ITGB6: variants seen among roughly 807,000 people sequenced by gnomAD.
ITGB6 encodes integrin beta-6.
Under a neutral mutation model 84.5 loss-of-function variants are expected in ITGB6, and 80 were observed. That is an observed-to-expected ratio of 0.95 (90% CI 0.79 to 1.14). The LOEUF is 1.14. Ranked by LOEUF, ITGB6 falls within the 50% of genes most tolerant of loss-of-function variation. The pLI, the probability that ITGB6 is intolerant of heterozygous loss-of-function variation, is 0.00. For synonymous variants in ITGB6, 383 were observed against 354.9 expected, an observed-to-expected ratio of 1.08 and a Z score of -0.89; for missense variants, 1,006 against 968.0, an observed-to-expected ratio of 1.04 and a Z score of -0.52.
intron 14 of ITGB6, among the ~76,000 whole-genome samples, chr2:160,106,020 T>G (rs1216382582): frequency 2.0e-5 from 3 of 152,160 alleles, no homozygotes; most frequent in Non-Finnish European, 4.4e-5. Flanking sequence ...CCACACCTGC[T>G]TCAACTATCC....
At chr2:160,165,963 C>T (rs1343745320) in intron 7 of ITGB6, among the ~76,000 whole-genome samples, 1 of 152,164 alleles carries the variant, frequency 6.6e-6, no homozygotes, top group African/African-American at 2.4e-5. Context: ...TCTTTTGACC[C>T]AATTTTAGAA....
intron 12 of ITGB6, among the ~76,000 whole-genome samples, chr2:160,116,683 T>G (rs1440775835): frequency 1.3e-5 from 2 of 152,210 alleles, no homozygotes; most frequent in Non-Finnish European, 2.9e-5. Flanking sequence ...TAAATGTAAA[T>G]GGGCTAAATG....
chr2:160,123,960 A>C, intron 11 of ITGB6, 72 bp from the exon 12 acceptor site: 1 of 1,095,310 alleles, frequency 9.1e-7, no homozygotes, highest in South Asian at 1.3e-5. Context: ...ATATTGCTTT[A>C]CTGCTGTTGT....
At chr2:160,163,819 A>T (rs757040496) in intron 7 of ITGB6, among the ~76,000 whole-genome samples, 1 of 152,192 alleles carries the variant, frequency 6.6e-6, no homozygotes, top group Non-Finnish European at 1.5e-5. Flanking sequence ...TTGCATAAGA[A>T]GGAGTTTAAA....
At chr2:160,179,510 A>G (rs1574127882) in intron 4 of ITGB6, among the ~76,000 whole-genome samples, 2 of 148,812 alleles carry the variant, frequency 1.3e-5, no homozygotes, top group South Asian at 4.3e-4. Flanking sequence ...CCTCCCGAGT[A>G]GCTGAGATTA....
At chr2:160,162,876 C>T (rs1559177258) in intron 7 of ITGB6, among the ~76,000 whole-genome samples, 1 of 152,142 alleles carries the variant, frequency 6.6e-6, no homozygotes, top group Non-Finnish European at 1.5e-5. Context: ...CACCTCGGCC[C>T]CCAAAGTGCT....
intron 10 of ITGB6, among the ~76,000 whole-genome samples, chr2:160,128,843 G>A (rs1190726148): frequency 6.6e-6 from 1 of 152,140 alleles, no homozygotes; most frequent in African/African-American, 2.4e-5. Flanking sequence ...CTTTGGGTGG[G>A]GAAGATGATG....
At chr2:160,187,121 TA>T (rs990634050) in intron 4 of ITGB6, among the ~76,000 whole-genome samples, 2 of 152,058 alleles carry the variant, frequency 1.3e-5, no homozygotes, top group African/African-American at 2.4e-5. Context: ...ATAATAATAA[TA>T]AAAAATAGAA....
At chr2:160,143,753 A>T (rs1684088126) in intron 7 of ITGB6, among the ~76,000 whole-genome samples, 1 of 152,320 alleles carries the variant, frequency 6.6e-6, no homozygotes, top group East Asian at 1.9e-4. Flanking sequence ...ATTAGAATGG[A>T]TAATTATCAT....
chr2:160,115,571 G>A (rs1167345279), intron 12 of ITGB6, among the ~76,000 whole-genome samples: 2 of 152,216 alleles, frequency 1.3e-5, no homozygotes, highest in Non-Finnish European at 2.9e-5. Context: ...AAAAAACAGA[G>A]CAGAAAAACT....
chr2:160,157,024 G>A (rs775428233), intron 7 of ITGB6, among the ~76,000 whole-genome samples: 8 of 152,138 alleles, frequency 5.3e-5, no homozygotes, highest in South Asian at 4.1e-4. Flanking sequence ...TGAGCTCCAT[G>A]CCCACCTCTT....
At chr2:160,152,888 C>T (rs572024680) in intron 7 of ITGB6, among the ~76,000 whole-genome samples, 144 of 152,244 alleles carry the variant, frequency 9.5e-4, no homozygotes, top group African/African-American at 3.3e-3. Context: ...ACCCAATTTA[C>T]AAGGGATGTG....
intron 10 of ITGB6, among the ~76,000 whole-genome samples, chr2:160,131,082 A>G (rs921488454): frequency 6.6e-6 from 1 of 152,204 alleles, no homozygotes; most frequent in Non-Finnish European, 1.5e-5. Flanking sequence ...TAACAACAAC[A>G]ACAACAACAA....
chr2:160,140,463 T>C (rs1397006090), intron 8 of ITGB6, among the ~76,000 whole-genome samples: 1 of 152,206 alleles, frequency 6.6e-6, no homozygotes, highest in African/African-American at 2.4e-5. Context: ...CAATTTAGTG[T>C]TTTCTAATCT....
intron 2 of ITGB6, among the ~76,000 whole-genome samples, chr2:160,198,924 C>G (rs1244950137): frequency 6.6e-6 from 1 of 152,050 alleles, no homozygotes; most frequent in Non-Finnish European, 1.5e-5. Flanking sequence ...AAGAAGGAAC[C>G]AGGTAAAATA....
At chr2:160,127,472 G>C (rs1300574474) in intron 10 of ITGB6, among the ~76,000 whole-genome samples, 2 of 152,118 alleles carry the variant, frequency 1.3e-5, no homozygotes, top group African/African-American at 2.4e-5. Flanking sequence ...CATCCCCTTT[G>C]AGTTGTCACA....
intron 12 of ITGB6, among the ~76,000 whole-genome samples, chr2:160,118,671 T>C (rs140506910): frequency 0.038 from 5,687 of 151,426 alleles, 301 homozygotes; most frequent in African/African-American, 0.12. Flanking sequence ...CCAGGGCAAT[T>C]AGGCAGGAGA....
rs79849957 is a variant in ITGB6 at position 160,173,143 on chromosome 2, C to A, written c.760-413G>T. Among the ~76,000 whole-genome samples the A allele has an allele frequency of 4.6e-5, 7 of 152,268 alleles. No individual in the cohort carries two copies. In the East Asian group the frequency reaches 1.4e-3, roughly 29 times the overall value. ...AAAGGGGCTCAGAGTAAGCCTGTTT[C>A]ATTAAAATGTCACCCAACATTTAGG... On this transcript the variant is annotated intron_variant, in intron 5 of 14. Transcript: ENST00000283249.
intron 7 of ITGB6, among the ~76,000 whole-genome samples, chr2:160,163,832 A>G (rs1332746397): frequency 6.6e-6 from 1 of 152,172 alleles, no homozygotes; most frequent in Non-Finnish European, 1.5e-5. Flanking sequence ...AGTTTAAATG[A>G]TAAAATGAGT....
Sources: allele counts gnomAD v4.1 joint callset (sites outside exome capture counted in the v4.1 genomes callset), GRCh38; gene constraint gnomAD v4.1.1; transcripts MANE v1.5; gene names NCBI Gene and HGNC (gene_info 2026-07-23, HGNC 2026-07-21).